The following ATRN variants were observed in gnomAD, a reference collection of about 807,000 sequenced individuals.
The protein encoded by ATRN is attractin, also known as attractin-2.
In ATRN, 54 loss-of-function variants were observed where a neutral mutation model predicts 178.7. That is an observed-to-expected ratio of 0.30 (90% CI 0.24 to 0.38). ATRN has a LOEUF of 0.38. ATRN is among the 10% of genes least tolerant of loss of function. ATRN has a pLI of 1.00. For synonymous variants in ATRN, 636 were observed against 663.0 expected (o/e 0.96, Z 0.63); for missense variants, 1,443 against 1,815.1 (o/e 0.79, Z 3.73).
intron 1 of ATRN, among the ~76,000 whole-genome samples, chr20:3,472,265 T>G (rs2084441098): frequency 6.6e-6 from 1 of 152,242 alleles, no homozygotes; most frequent in Admixed American, 6.5e-5. Flanking sequence ...GCTTCAGTTG[T>G]GCAATGATTT....
chr20:3,624,372 C>G (rs1568771423), intron 24 of ATRN, 139 bp from the exon 25 acceptor site: 1 of 764,470 alleles, frequency 1.3e-6, no homozygotes, highest in East Asian at 2.5e-5. Flanking sequence ...GGGTGAGGTA[C>G]TTTTCCTTAA....
rs919467411 is a variant in ATRN, at chr20:3,520,638, G to T, written c.411-14615G>T. Among the ~76,000 whole-genome samples the T allele has an allele frequency of 2.0e-5, 3 of 152,216 alleles. No individual in the cohort carries two copies. In the South Asian group the frequency reaches 6.2e-4, roughly 32 times the overall value. On this transcript the variant is annotated intron_variant, in intron 1 of 28. Transcript: ENST00000262919. ...GACTCAAGAGTACTTGGGATTATAG[G>T]AGTGTGCCACCATGCCCAGATAATT...
intron 1 of ATRN, among the ~76,000 whole-genome samples, chr20:3,496,707 C>T (rs933180806): frequency 3.3e-5 from 5 of 152,170 alleles, no homozygotes; most frequent in African/African-American, 1.2e-4. Context: ...CCTGTGTATC[C>T]TTGTTGACTT....
intron 1 of ATRN, among the ~76,000 whole-genome samples, chr20:3,491,556 A>G (rs1335344541): frequency 2.6e-5 from 4 of 152,180 alleles, no homozygotes; most frequent in East Asian, 3.9e-4. Flanking sequence ...TCTGCACTCA[A>G]TCGTCTTCTG....
intron 12 of ATRN, among the ~76,000 whole-genome samples, chr20:3,574,856 G>T (rs1211443270): frequency 1.3e-5 from 2 of 152,080 alleles, no homozygotes; most frequent in African/African-American, 4.8e-5. Context: ...CGACTGCTGG[G>T]GTCTTTGTGA....
At chr20:3,582,638 A>G (rs1192924900) in intron 16 of ATRN, among the ~76,000 whole-genome samples, 6 of 152,234 alleles carry the variant, frequency 3.9e-5, no homozygotes, top group African/African-American at 9.6e-5. Context: ...CAGAAAAAGT[A>G]TTGAGAATTG....
At chr20:3,561,131 G>C (rs2146221842) in intron 8 of ATRN, among the ~76,000 whole-genome samples, 1 of 152,092 alleles carries the variant, frequency 6.6e-6, no homozygotes, top group South Asian at 2.1e-4. Flanking sequence ...GACCAGCCTG[G>C]CACCAACATG....
At position 3,572,588 on chromosome 20, in the gene ATRN, G is replaced by T. The variant is rs536258913; in HGVS notation, c.1872-143G>T. 3.8e-4 allele frequency: 245 copies of T among 644,114 alleles called. No homozygotes were observed. The African/African-American group carries it at 4.1e-3, about 11-fold the overall frequency. 39.9% of individuals were successfully genotyped at this position (644,114 alleles called of 1,614,324 possible). On this transcript the variant is annotated intron_variant, in intron 11 of 28. Transcript: ENST00000262919. Reference sequence around the variant, plus strand: ...TCCCAGCTACTCAGGAGGCTGAGGCGAGAGGATCTCTTGAGCCCAGGAGTT... The same window carrying T: ...TCCCAGCTACTCAGGAGGCTGAGGCTAGAGGATCTCTTGAGCCCAGGAGTT...
At chr20:3,620,403 C>T (rs994970029) in intron 24 of ATRN, among the ~76,000 whole-genome samples, 2 of 152,112 alleles carry the variant, frequency 1.3e-5, no homozygotes, top group Non-Finnish European at 2.9e-5. Context: ...CACACCACCA[C>T]GCCAGCTAAT....
Position 3,650,608 on chromosome 20 carries a change from G to T in ATRN, c.*3761G>T, listed in dbSNP as rs889329980. The T allele has an allele frequency of 1.3e-5, 2 of 152,276 alleles. No individual in the cohort carries two copies. The highest frequency in any genetic ancestry group is 4.8e-5 in the African/African-American group (2 of 41,446). 9.4% of individuals were successfully genotyped at this position (152,276 alleles called of 1,614,324 possible). On this transcript the variant is annotated 3_prime_UTR_variant, in exon 29 of 29. Coordinates refer to ENST00000262919, the MANE Select transcript of ATRN (RefSeq NM_139321.3). ...ATAGCCAGGCCCACCAAGAGATATT[G>T]CCCCTTGATGAGAGTCAAACACCCT...
At chr20:3,577,990 C>G (rs560166329) in intron 14 of ATRN, among the ~76,000 whole-genome samples, 1 of 152,196 alleles carries the variant, frequency 6.6e-6, no homozygotes, top group East Asian at 1.9e-4. Context: ...CTGTGCAGTA[C>G]CTTGTGTGGG....
chr20:3,625,114 AAGC>A (rs2086927055), intron 25 of ATRN, among the ~76,000 whole-genome samples: 1 of 152,194 alleles, frequency 6.6e-6, no homozygotes, highest in Non-Finnish European at 1.5e-5. Context: ...TTAAAACAGA[AAGC>A]AGCAATAGCC....
At chr20:3,613,282 G>A (rs556881908) in intron 24 of ATRN, among the ~76,000 whole-genome samples, 2 of 152,154 alleles carry the variant, frequency 1.3e-5, no homozygotes, top group Non-Finnish European at 2.9e-5. Context: ...ACAAATGACT[G>A]CACTATTCAC....
At chr20:3,603,678 G>A (rs187086006) in intron 23 of ATRN, among the ~76,000 whole-genome samples, 10 of 151,962 alleles carry the variant, frequency 6.6e-5, no homozygotes, top group Admixed American at 2.0e-4. Flanking sequence ...TAGTAGAGAC[G>A]GGGTTTCTCC....
At chr20:3,557,544 AAAC>A (rs2085895506) in intron 6 of ATRN, among the ~76,000 whole-genome samples, 1 of 152,210 alleles carries the variant, frequency 6.6e-6, no homozygotes. Flanking sequence ...AAACAAAACA[AAAC>A]AAAAACCCTC....
At chr20:3,640,026 A>G (rs1254984510) in intron 27 of ATRN, among the ~76,000 whole-genome samples, 1 of 152,222 alleles carries the variant, frequency 6.6e-6, no homozygotes, top group Admixed American at 6.5e-5. Context: ...GAGTAGCAGA[A>G]ACAACAGATG....
At chr20:3,578,856 G>A in intron 15 of ATRN, 84 bp downstream of exon 15, 2 of 1,298,320 alleles carry the variant, frequency 1.5e-6, no homozygotes, top group South Asian at 3.0e-5. Flanking sequence ...GTGGAAGGCT[G>A]TGGATATGTG....
At chr20:3,568,504 C>G (rs972264712) in intron 11 of ATRN, among the ~76,000 whole-genome samples, 2 of 64,842 alleles carry the variant, frequency 3.1e-5, no homozygotes, top group Non-Finnish European at 6.4e-5. Flanking sequence ...CAGAGTGAGA[C>G]CCTAACTCAA....
At chr20:3,531,077 A>G (rs1166017001) in intron 1 of ATRN, among the ~76,000 whole-genome samples, 4 of 152,186 alleles carry the variant, frequency 2.6e-5, no homozygotes, top group Non-Finnish European at 5.9e-5. Context: ...GCCCATGCCC[A>G]CACCTAGATT....
Sources: gnomAD v4.1 joint callset for allele counts (sites outside exome capture counted in the v4.1 genomes callset) on GRCh38, gnomAD v4.1.1 for gene constraint, MANE v1.5 for transcripts, NCBI Gene and HGNC (gene_info 2026-07-23, HGNC 2026-07-21) for gene names.